The following ARID4B variants were observed in gnomAD, a reference collection of about 807,000 sequenced individuals.
The protein encoded by ARID4B is AT-rich interactive domain-containing protein 4B.
In ARID4B, 26 loss-of-function variants were observed where a neutral mutation model predicts 147.5. The observed-to-expected ratio is 0.18, with a 90% CI of 0.13 to 0.24. The LOEUF (loss-of-function observed/expected upper bound fraction) is 0.24, where lower values mean the gene tolerates loss of function less well. ARID4B is among the 10% of genes least tolerant of loss of function. The probability of loss-of-function intolerance (pLI) is 1.00; values close to 1 mark genes in which losing one functional copy is unlikely to be tolerated. For missense variants in ARID4B, 1,179 were observed against 1,511.5 expected, an observed-to-expected ratio of 0.78 and a Z score of 3.65; for synonymous variants, 512 against 507.9, an observed-to-expected ratio of 1.01 and a Z score of -0.11.
intron 10 of ARID4B, among the ~76,000 whole-genome samples, chr1:235,230,032 A>G (rs973569291): frequency 6.6e-6 from 1 of 152,228 alleles, no homozygotes; most frequent in African/African-American, 2.4e-5. Context: ...CAAGTGACAG[A>G]TGCAATTACC....
chr1:235,312,908 G>A (rs752711974), intron 2 of ARID4B, among the ~76,000 whole-genome samples: 2 of 152,184 alleles, frequency 1.3e-5, no homozygotes, highest in Non-Finnish European at 2.9e-5. Context: ...AGGAGGCGGA[G>A]GTTGCACTGA....
At chr1:235,174,100 C>T (rs1014540151) in intron 22 of ARID4B, among the ~76,000 whole-genome samples, 7 of 150,908 alleles carry the variant, frequency 4.6e-5, no homozygotes, top group African/African-American at 1.2e-4. Flanking sequence ...AGTGCAGTGG[C>T]GCAACCTCGG....
intron 17 of ARID4B, among the ~76,000 whole-genome samples, chr1:235,211,474 A>G (rs998318081): frequency 2.6e-5 from 4 of 152,250 alleles, no homozygotes; most frequent in African/African-American, 9.6e-5. Flanking sequence ...AACTGCCTCT[A>G]CATGTAAACT....
chr1:235,270,578 T>C (rs184102427), intron 2 of ARID4B, among the ~76,000 whole-genome samples: 26 of 152,306 alleles, frequency 1.7e-4, no homozygotes, highest in Middle Eastern at 3.4e-3. Flanking sequence ...GAAATTTAAG[T>C]AACTCCAAAG....
At chr1:235,171,660 A>C (rs1379272503) in intron 23 of ARID4B, among the ~76,000 whole-genome samples, 6 of 150,354 alleles carry the variant, frequency 4.0e-5, no homozygotes, top group Non-Finnish European at 5.9e-5. Context: ...TTTTTTTGAG[A>C]CAGAGTTTAG....
rs1663051256 is a variant in ARID4B, at chr1:235,167,621, GCTCAT to G, written c.*899_*903del. ...TTGTTCCTGAAGTCCTTTTGTTGTAGCTCATAATAAAATAAGCAATACAAATGAAT... is the reference window on the plus strand; with the variant it reads ...TTGTTCCTGAAGTCCTTTTGTTGTAGAATAAAATAAGCAATACAAATGAAT... On this transcript the variant is annotated 3_prime_UTR_variant, in exon 24 of 24. Transcript: ENST00000264183. The G allele has an allele frequency of 4.7e-6, 1 of 211,414 alleles. No individual in the cohort carries two copies. The highest frequency in any genetic ancestry group is 9.6e-6 in the Non-Finnish European group (1 of 104,244). 13.1% of individuals were successfully genotyped at this position (211,414 alleles called of 1,614,324 possible).
intron 2 of ARID4B, among the ~76,000 whole-genome samples, chr1:235,311,518 C>A (rs1558305167): frequency 6.6e-6 from 1 of 152,018 alleles, no homozygotes; most frequent in Admixed American, 6.6e-5. Context: ...CACAGTGGCT[C>A]ACACCTGTAC....
intron 5 of ARID4B, 73 bp from the exon 6 acceptor site, chr1:235,252,882 T>G (rs1669730636): frequency 1.6e-6 from 2 of 1,253,804 alleles, no homozygotes; most frequent in African/African-American, 3.0e-5. Flanking sequence ...TGTATTACAA[T>G]TTTCTGAGTG....
At chr1:235,319,135 C>G (rs1358471893) in intron 2 of ARID4B, among the ~76,000 whole-genome samples, 2 of 152,086 alleles carry the variant, frequency 1.3e-5, no homozygotes, top group Admixed American at 6.6e-5. Flanking sequence ...AAAAAACAAA[C>G]AAAAGAAATT....
chr1:235,223,185 T>C lies in ARID4B; in HGVS notation c.1046A>G (p.Lys349Arg), dbSNP rs562741719. The C allele has an allele frequency of 3.8e-6, 6 of 1,578,462 alleles. No homozygotes were observed. In the South Asian group the frequency reaches 4.6e-5, roughly 12 times the overall value. Residue 349 changes from lysine to arginine, a missense_variant, in exon 13 of 24, where the codon AAA becomes AGA. Physicochemically the swap from Lys to Arg is conservative, Grantham distance 26 (BLOSUM62 2). Around this residue, in one of 10 missense-constraint regions of ARID4B, gnomAD observed 26 missense variants for 77.9 expected, o/e 0.33. Transcript: ENST00000264183. ...NLFKLFRLVH[K>R]LGGFDNIESG... Reference sequence around the variant, plus strand: ...ACTCACATTATCAAATCCTCCAAGTTTGTGTACAAGTCTGAATAACTTAAA... The same window carrying C: ...ACTCACATTATCAAATCCTCCAAGTCTGTGTACAAGTCTGAATAACTTAAA...
chr1:235,272,824 A>G lies in ARID4B; in HGVS notation c.7-12072T>C, dbSNP rs201654378. Among the ~76,000 whole-genome samples, 11 of 133,802 alleles carry G rather than the reference A, an allele frequency of 8.2e-5. No homozygotes were observed. The East Asian group carries it at 2.1e-3, about 25-fold the overall frequency. 87.8% of individuals were successfully genotyped at this position (133,802 alleles called of 152,430 possible). A position where few individuals can be genotyped will look rare whatever the true frequency, so the allele number is the denominator to read the frequency against. On this transcript the variant is annotated intron_variant, in intron 2 of 23. Transcript: ENST00000264183. ...TATAAATAAATGTCTATATTAATTTATTATTACCATTCTTTTTAAAGAAGA... is the reference window on the plus strand; with the variant it reads ...TATAAATAAATGTCTATATTAATTTGTTATTACCATTCTTTTTAAAGAAGA...
At chr1:235,293,856 C>T (rs889972332) in intron 2 of ARID4B, among the ~76,000 whole-genome samples, 2 of 152,128 alleles carry the variant, frequency 1.3e-5, no homozygotes, top group African/African-American at 4.8e-5. Context: ...TTCCTTTCTC[C>T]TCCACCAGAA....
At chr1:235,324,167 A>G (rs530486710) in intron 2 of ARID4B, among the ~76,000 whole-genome samples, 1 of 152,190 alleles carries the variant, frequency 6.6e-6, no homozygotes, top group East Asian at 1.9e-4. Context: ...TCGGCCTCCC[A>G]AAGTGCTGTG....
chr1:235,272,096 G>T (rs1344765146), intron 2 of ARID4B, among the ~76,000 whole-genome samples: 1 of 152,094 alleles, frequency 6.6e-6, no homozygotes, highest in Non-Finnish European at 1.5e-5. Context: ...TCAATTACTT[G>T]TCTAGTGACC....
chr1:235,322,667 T>C (rs1370534571), intron 2 of ARID4B, among the ~76,000 whole-genome samples: 9 of 152,232 alleles, frequency 5.9e-5, no homozygotes, highest in Non-Finnish European at 1.2e-4. Flanking sequence ...TTTTGCTTTA[T>C]TTATCTGCAT....
chr1:235,246,325 A>G (rs1056966922), intron 7 of ARID4B, 95 bp downstream of exon 7: 1 of 972,424 alleles, frequency 1.0e-6, no homozygotes, highest in Non-Finnish European at 1.6e-6. Context: ...AGATCTGGTT[A>G]GCATTTTGCA....
In ARID4B at chr1:235,204,814, GA is replaced by G. The variant is rs1335758485; in HGVS notation, c.1842-8700del. Reference sequence around the variant, plus strand: ...AATATCAATGTACCTGCCAATCTACGAAACTACTGAATGAAACAGGTCCAAG... The same window carrying G: ...AATATCAATGTACCTGCCAATCTACGAACTACTGAATGAAACAGGTCCAAG... On this transcript the variant is annotated intron_variant, in intron 17 of 23. Coordinates refer to ENST00000264183, the MANE Select transcript of ARID4B (RefSeq NM_016374.6). 7.9e-5 allele frequency among the ~76,000 whole-genome samples: 12 copies of G among 152,250 alleles called. No homozygotes were observed. In the East Asian group the frequency reaches 2.3e-3, roughly 29 times the overall value.
At position 235,186,742 on chromosome 1, in the gene ARID4B, T is replaced by C. The variant is rs183883737; in HGVS notation, c.2126-3949A>G. 8.0e-4 allele frequency among the ~76,000 whole-genome samples: 121 copies of C among 150,872 alleles called. 1 individual carries two copies. In the East Asian group the frequency reaches 0.014, roughly 18 times the overall value. On this transcript the variant is annotated intron_variant, in intron 19 of 23. Transcript: ENST00000264183. The stretch of plus-strand genomic sequence containing the variant: ...TTTAGATTTTTTGTTTTTGTTTTTT[T>C]TGAGACAGGGTCTCTCTCTGTTGCC...
At chr1:235,326,826 T>C in intron 2 of ARID4B, 88 bp downstream of exon 2, 1 of 1,528,834 alleles carries the variant, frequency 6.5e-7, no homozygotes, top group Non-Finnish European at 9.1e-7. Flanking sequence ...TCTGCAAAAC[T>C]CGGAAGCCCC....
Sources: allele counts gnomAD v4.1 joint callset (sites outside exome capture counted in the v4.1 genomes callset), GRCh38; gene constraint gnomAD v4.1.1; regional missense constraint gnomAD v4.1.1; transcripts MANE v1.5; gene names NCBI Gene and HGNC (gene_info 2026-07-23, HGNC 2026-07-21).